Variants in DNAH8 observed in about 807,000 individuals in gnomAD.
DNAH8 encodes axonemal beta dynein heavy chain 8.
DNAH8 carries 382 observed loss-of-function variants against 562.1 expected under a neutral mutation model. The ratio of observed to expected loss-of-function variants is 0.68; its 90% CI spans 0.63 to 0.74. The LOEUF (loss-of-function observed/expected upper bound fraction) is 0.74, where lower values mean the gene tolerates loss of function less well. Among genes scored for constraint, DNAH8 ranks in the 30% least tolerant of loss-of-function variants. The probability of loss-of-function intolerance (pLI) is 0.00; values close to 1 mark genes in which losing one functional copy is unlikely to be tolerated. For missense variants in DNAH8, 5,203 were observed against 5,620.4 expected (o/e 0.93, Z 2.37); for synonymous variants, 1,881 against 1,919.4 (o/e 0.98, Z 0.52).
At position 38,823,047 on chromosome 6, in the gene DNAH8, T is replaced by C. The variant is rs369980648; in HGVS notation, c.3720+13T>C. 118 of 1,557,654 alleles carry C rather than the reference T, an allele frequency of 7.6e-5. No homozygotes were observed. The African/African-American group carries it at 1.5e-3, about 20-fold the overall frequency. ...TGTGAAAGTGAAGGTGTCTTTCTGC[T>C]ACTTGTGATGTTGTTTGGGTTTTGT... On this transcript the variant is annotated intron_variant, in intron 27 of 92. Coordinates refer to ENST00000327475, the MANE Select transcript of DNAH8 (RefSeq NM_001206927.2).
rs1205327006 is a variant in DNAH8 at position 38,883,405 on chromosome 6, G to C, written c.8085G>C (p.Gln2695His). The stretch of plus-strand genomic sequence containing the variant: ...TGAAAAAATATGATCCTGAAGTACA[G>C]CTATCCAAAAGTCTAAACTTTTCAT... ...AYLKKYDPEV[Q>H]LSKSLNFSSA... The change falls in exon 55 of 93, where the codon CAG becomes CAC. Residue 2695 changes from glutamine to histidine, a missense_variant. By Grantham distance (24) the Gln-to-His change is conservative (BLOSUM62 0). Transcript: ENST00000327475. 1 of 1,612,886 alleles carries C rather than the reference G, an allele frequency of 6.2e-7. No individual in the cohort carries two copies. Among genetic ancestry groups the C allele is most frequent in the Non-Finnish European group, 8.5e-7 (1 of 1,179,436 alleles).
Position 38,929,686 on chromosome 6 carries a change from A to G in DNAH8, c.11274+20A>G, listed in dbSNP as rs768219619. 1.3e-5 allele frequency: 19 copies of G among 1,513,930 alleles called. No individual in the cohort carries two copies. Among genetic ancestry groups the G allele is most frequent in the Non-Finnish European group, 1.5e-5 (17 of 1,137,234 alleles). The allele number at this position is 1,513,930 out of a possible 1,614,324, so 93.8% of individuals were successfully genotyped here. A position where few individuals can be genotyped will look rare whatever the true frequency, so the allele number is the denominator to read the frequency against. ...TTCAAGGTGAGCTTTGTAAAAAAAA[A>G]AAAAAAGAAAGAAAGAAAGAAAAGA... On this transcript the variant is annotated intron_variant, in intron 75 of 92. Coordinates refer to ENST00000327475, the MANE Select transcript of DNAH8 (RefSeq NM_001206927.2).
chr6:38,896,807 A>G (rs933345560), intron 60 of DNAH8, among the ~76,000 whole-genome samples: 4 of 152,052 alleles, frequency 2.6e-5, no homozygotes, highest in African/African-American at 4.8e-5. Context: ...TTATTTTGAG[A>G]TGGAGTCTCT....
At chr6:38,960,510 A>C (rs540045027) in intron 82 of DNAH8, among the ~76,000 whole-genome samples, 52 of 152,016 alleles carry the variant, frequency 3.4e-4, no homozygotes, top group African/African-American at 1.2e-3. Flanking sequence ...TTGCAAAAAG[A>C]TATATGAAAA....
chr6:38,911,812 T>C (rs1780925053), intron 66 of DNAH8, among the ~76,000 whole-genome samples: 1 of 152,354 alleles, frequency 6.6e-6, no homozygotes, highest in Non-Finnish European at 1.5e-5. Context: ...CCATTTCTCC[T>C]GGCTCTTTCA....
intron 88 of DNAH8, among the ~76,000 whole-genome samples, chr6:38,993,742 CATT>C (rs888021909): frequency 2.0e-5 from 3 of 152,016 alleles, no homozygotes; most frequent in Non-Finnish European, 1.5e-5. Flanking sequence ...CATATCAGGT[CATT>C]ATTATCTTCC....
At chr6:38,928,816 T>C (rs116711659) in intron 74 of DNAH8, among the ~76,000 whole-genome samples, 1,958 of 152,136 alleles carry the variant, frequency 0.013, 36 homozygotes, top group Middle Eastern at 0.037. Flanking sequence ...GGATCCTAGG[T>C]GAAGTAAGGG....
At chr6:38,745,476 T>A (rs1229710942) in intron 8 of DNAH8, among the ~76,000 whole-genome samples, 1 of 152,110 alleles carries the variant, frequency 6.6e-6, no homozygotes, top group Non-Finnish European at 1.5e-5. Context: ...TATGGAAGAG[T>A]CAACCAGGAT....
At chr6:38,891,774 A>G (rs148044157) in intron 58 of DNAH8, among the ~76,000 whole-genome samples, 6 of 152,340 alleles carry the variant, frequency 3.9e-5, no homozygotes, top group Non-Finnish European at 8.8e-5. Context: ...TTATATACAT[A>G]GTTCTCTGAA....
chr6:38,835,318 C>CAAAAAAA (rs35817690), intron 32 of DNAH8, among the ~76,000 whole-genome samples: 1 of 134,288 alleles, frequency 7.4e-6, no homozygotes. Context: ...TCTTAGTAAT[C>CAAAAAAA]AAAAAAAAAA....
chr6:38,954,326 T>A (rs920170876), intron 82 of DNAH8, among the ~76,000 whole-genome samples: 1 of 152,076 alleles, frequency 6.6e-6, no homozygotes, highest in Non-Finnish European at 1.5e-5. Flanking sequence ...CACACAAAAG[T>A]AGTAGTGGGA....
chr6:38,938,123 G>C lies in DNAH8; in HGVS notation c.11713G>C (p.Gly3905Arg). ...QEEFRPAATR[G>R]SILYFLITEM... ...GGAGTTCCGGCCCGCAGCCACCCGC[G>C]GAAGCATCCTCTACTTCCTCATCAC... Residue 3905 changes from glycine to arginine, a missense_variant, in exon 78 of 93, where the codon GGA becomes CGA. Gly to Arg is a moderately radical substitution (Grantham distance 125). This residue lies in a region of DNAH8 where 1,399 missense variants were observed against 1,518.4 expected (regional missense o/e 0.92). Coordinates refer to ENST00000327475, the MANE Select transcript of DNAH8 (RefSeq NM_001206927.2). 1 of 1,613,978 alleles carries C rather than the reference G, an allele frequency of 6.2e-7. No individual in the cohort carries two copies. The highest frequency in any genetic ancestry group is 8.5e-7 in the Non-Finnish European group (1 of 1,179,990).
intron 91 of DNAH8, among the ~76,000 whole-genome samples, chr6:39,017,287 G>A (rs1283225679): frequency 6.6e-6 from 1 of 152,130 alleles, no homozygotes; most frequent in Non-Finnish European, 1.5e-5. Flanking sequence ...CCTTTTCAGT[G>A]CATCGTGTAA....
intron 82 of DNAH8, among the ~76,000 whole-genome samples, chr6:38,951,836 T>C (rs1561907607): frequency 6.6e-6 from 1 of 152,218 alleles, no homozygotes; most frequent in African/African-American, 2.4e-5. Flanking sequence ...CCAAAGTTTA[T>C]GTTATTGCCA....
intron 82 of DNAH8, among the ~76,000 whole-genome samples, chr6:38,958,102 C>T (rs935321650): frequency 9.2e-5 from 14 of 151,410 alleles, no homozygotes; most frequent in South Asian, 4.2e-4. Context: ...CCTGGGTTCA[C>T]GCCATTCTCC....
chr6:38,786,303 CA>C (rs2127648031), intron 17 of DNAH8, among the ~76,000 whole-genome samples: 1 of 152,238 alleles, frequency 6.6e-6, no homozygotes, highest in Admixed American at 6.5e-5. Context: ...GCCTATTTAT[CA>C]GAAATACAGG....
chr6:38,862,106 G>A lies in DNAH8; in HGVS notation c.6132-174G>A, dbSNP rs377514804. Among the ~76,000 whole-genome samples, 258 of 152,264 alleles carry A rather than the reference G, an allele frequency of 1.7e-3. 1 individual carries two copies. The highest frequency in any genetic ancestry group is 2.8e-3 in the Non-Finnish European group (190 of 68,012). ...GTCTCAAGAAATCTTTGGGCTCACT[G>A]TAGTACTTTTAATGAATATCAAGTA... On this transcript the variant is annotated intron_variant, in intron 43 of 92. Coordinates refer to ENST00000327475, the MANE Select transcript of DNAH8 (RefSeq NM_001206927.2).
intron 88 of DNAH8, among the ~76,000 whole-genome samples, chr6:39,001,903 G>A (rs1371354991): frequency 6.6e-6 from 1 of 152,132 alleles, no homozygotes; most frequent in East Asian, 1.9e-4. Flanking sequence ...ATGACGGTGG[G>A]TCACGGGGAG....
At chr6:38,951,803 TAACAAGAA>T (rs1761928313) in intron 82 of DNAH8, among the ~76,000 whole-genome samples, 1 of 152,174 alleles carries the variant, frequency 6.6e-6, no homozygotes, top group African/African-American at 2.4e-5. Flanking sequence ...GATAGCTGAC[TAACAAGAA>T]TGAACACACA....
Sources: gnomAD v4.1 joint callset for allele counts (sites outside exome capture counted in the v4.1 genomes callset) on GRCh38, gnomAD v4.1.1 for gene constraint, gnomAD v4.1.1 regional missense constraint, MANE v1.5 for transcripts, NCBI Gene and HGNC (gene_info 2026-07-23, HGNC 2026-07-21) for gene names.